The following SRGAP1 variants were observed in gnomAD, a reference collection of about 807,000 sequenced individuals.
SRGAP1 encodes the protein SLIT-ROBO Rho GTPase activating protein 1, also known as SLIT-ROBO Rho GTPase-activating protein 1.
A neutral mutation model predicts 121.9 loss-of-function variants in SRGAP1; 43 were observed. The ratio of observed to expected loss-of-function variants is 0.35; its 90% CI spans 0.28 to 0.46. The LOEUF is 0.46. SRGAP1 is among the 20% of genes least tolerant of loss of function. SRGAP1 has a pLI of 1.00. For missense variants in SRGAP1, 1,102 were observed against 1,350.9 expected, an observed-to-expected ratio of 0.82 and a Z score of 2.89; for synonymous variants, 447 against 485.4, an observed-to-expected ratio of 0.92 and a Z score of 1.04.
At chr12:64,110,972 T>C (rs2036422023) in intron 16 of SRGAP1, among the ~76,000 whole-genome samples, 1 of 152,202 alleles carries the variant, frequency 6.6e-6, no homozygotes, top group African/African-American at 2.4e-5. Flanking sequence ...CCTTTCAAGA[T>C]TGACATTCTA....
At chr12:63,992,538 G>A (rs2033581788) in intron 3 of SRGAP1, among the ~76,000 whole-genome samples, 1 of 152,086 alleles carries the variant, frequency 6.6e-6, no homozygotes, top group African/African-American at 2.4e-5. Flanking sequence ...GCTCCCTTTG[G>A]TGGAGGGTAA....
intron 1 of SRGAP1, among the ~76,000 whole-genome samples, chr12:63,849,231 G>A (rs376050122): frequency 1.9e-4 from 29 of 152,344 alleles, no homozygotes; most frequent in African/African-American, 7.0e-4. Flanking sequence ...GGCAAATAGC[G>A]TAGCAGTGGA....
intron 12 of SRGAP1, among the ~76,000 whole-genome samples, chr12:64,092,469 T>C (rs7960255): frequency 0.056 from 7,235 of 128,202 alleles, 216 homozygotes; most frequent in Middle Eastern, 0.15. Flanking sequence ...TACATACATA[T>C]ATACATACAT....
chr12:64,060,500 G>A (rs991000614), intron 6 of SRGAP1, among the ~76,000 whole-genome samples: 6 of 152,134 alleles, frequency 3.9e-5, no homozygotes, highest in East Asian at 1.9e-4. Context: ...GAGCCACCGC[G>A]CCCAGCCAAG....
At chr12:63,996,029 T>A (rs189249861) in intron 3 of SRGAP1, among the ~76,000 whole-genome samples, 3,471 of 151,052 alleles carry the variant, frequency 0.023, 53 homozygotes, top group South Asian at 0.045. Context: ...TTTTTTTTTT[T>A]AAAAAAAGTA....
chr12:63,891,477 A>G (rs1592921040), intron 1 of SRGAP1, among the ~76,000 whole-genome samples: 1 of 152,108 alleles, frequency 6.6e-6, no homozygotes, highest in African/African-American at 2.4e-5. Context: ...TGGCTGGCCC[A>G]TATTTCTCTT....
intron 1 of SRGAP1, among the ~76,000 whole-genome samples, chr12:63,909,055 A>C (rs1463221245): frequency 6.6e-6 from 1 of 151,714 alleles, no homozygotes. Context: ...ACACCCAGCT[A>C]ATCTTTGTAT....
chr12:63,957,885 T>C (rs894239421), intron 1 of SRGAP1, among the ~76,000 whole-genome samples: 7 of 152,130 alleles, frequency 4.6e-5, no homozygotes, highest in Non-Finnish European at 8.8e-5. Flanking sequence ...AGAAATGGTT[T>C]TTTGCTCAGA....
At chr12:64,079,470 C>CAT (rs1370520912) in intron 9 of SRGAP1, among the ~76,000 whole-genome samples, 9 of 148,292 alleles carry the variant, frequency 6.1e-5, no homozygotes, top group South Asian at 2.1e-4. Context: ...CTCTACAAAA[C>CAT]ATATATATAT....
intron 1 of SRGAP1, among the ~76,000 whole-genome samples, chr12:63,930,152 A>G (rs911529501): frequency 6.6e-6 from 1 of 152,116 alleles, no homozygotes; most frequent in Non-Finnish European, 1.5e-5. Context: ...TGTTTGCTTC[A>G]TTTTGTTTTC....
intron 17 of SRGAP1, 31 bp downstream of exon 17, chr12:64,112,017 C>A: frequency 6.4e-7 from 1 of 1,550,982 alleles, no homozygotes; most frequent in Non-Finnish European, 8.9e-7. Context: ...CCTCCTCTCC[C>A]ACCGAAAATT....
intron 18 of SRGAP1, among the ~76,000 whole-genome samples, chr12:64,118,408 TAG>T (rs892269089): frequency 6.6e-6 from 1 of 151,958 alleles, no homozygotes; most frequent in African/African-American, 2.4e-5. Flanking sequence ...TAGCTGGCAC[TAG>T]AGGCACATTC....
intron 1 of SRGAP1, among the ~76,000 whole-genome samples, chr12:63,854,050 T>C (rs1337617054): frequency 6.6e-6 from 1 of 152,220 alleles, no homozygotes; most frequent in African/African-American, 2.4e-5. Context: ...TACAAACAGG[T>C]ACAGAAAATG....
intron 1 of SRGAP1, among the ~76,000 whole-genome samples, chr12:63,937,785 T>C (rs1213007790): frequency 6.6e-6 from 1 of 152,246 alleles, no homozygotes; most frequent in African/African-American, 2.4e-5. Context: ...ATAAAACGGG[T>C]GCACTCTAAA....
chr12:63,999,112 G>A (rs2033802446), intron 3 of SRGAP1, among the ~76,000 whole-genome samples: 1 of 152,114 alleles, frequency 6.6e-6, no homozygotes, highest in Non-Finnish European at 1.5e-5. Context: ...GAAAATGGTG[G>A]TAAAGGAGCA....
At chr12:63,940,000 C>T (rs376522953) in intron 1 of SRGAP1, among the ~76,000 whole-genome samples, 4 of 151,778 alleles carry the variant, frequency 2.6e-5, no homozygotes, top group South Asian at 4.2e-4. Flanking sequence ...CTCTCTCTGT[C>T]GCCCAGGCTG....
chr12:64,024,986 A>G (rs1036786789), intron 4 of SRGAP1, among the ~76,000 whole-genome samples: 1 of 152,116 alleles, frequency 6.6e-6, no homozygotes, highest in Non-Finnish European at 1.5e-5. Flanking sequence ...AACCATATCA[A>G]TGCCTAGCAA....
At chr12:64,137,803 A>G (rs2036878331) in intron 21 of SRGAP1, among the ~76,000 whole-genome samples, 1 of 152,092 alleles carries the variant, frequency 6.6e-6, no homozygotes, top group East Asian at 1.9e-4. Context: ...TAGGGAAATC[A>G]GTTACCATTA....
At chr12:63,924,545 G>A (rs1424155983) in intron 1 of SRGAP1, among the ~76,000 whole-genome samples, 1 of 152,142 alleles carries the variant, frequency 6.6e-6, no homozygotes, top group African/African-American at 2.4e-5. Flanking sequence ...TTACTATATG[G>A]TTTTCAAAAA....
Sources: allele counts gnomAD v4.1 joint callset (sites outside exome capture counted in the v4.1 genomes callset), GRCh38; gene constraint gnomAD v4.1.1; transcripts MANE v1.5; gene names NCBI Gene and HGNC (gene_info 2026-07-23, HGNC 2026-07-21).